Variants in SHC3 observed in about 807,000 individuals in gnomAD.
SHC3 encodes SHC adaptor protein 3.
A neutral mutation model predicts 60.4 loss-of-function variants in SHC3; 15 were observed. The observed-to-expected ratio is 0.25, with a 90% CI of 0.17 to 0.38. The LOEUF is 0.38. Among genes scored for constraint, SHC3 ranks in the 10% least tolerant of loss-of-function variants. SHC3 has a pLI of 1.00. For missense variants in SHC3, 677 were observed against 786.1 expected (o/e 0.86, Z 1.66); for synonymous variants, 294 against 325.9 (o/e 0.90, Z 1.05).
intron 1 of SHC3, among the ~76,000 whole-genome samples, chr9:89,151,299 C>T (rs1426929648): frequency 6.6e-6 from 1 of 152,122 alleles, no homozygotes; most frequent in Non-Finnish European, 1.5e-5. Context: ...TAGTGTCCCC[C>T]CAAAATTCAT....
chr9:89,042,734 G>A (rs1824708007), intron 9 of SHC3, among the ~76,000 whole-genome samples: 1 of 152,202 alleles, frequency 6.6e-6, no homozygotes, highest in African/African-American at 2.4e-5. Flanking sequence ...GGAAGCCCAG[G>A]GTGGGTGTGC....
chr9:89,041,425 C>T (rs1824684975), intron 10 of SHC3, among the ~76,000 whole-genome samples: 1 of 152,108 alleles, frequency 6.6e-6, no homozygotes, highest in African/African-American at 2.4e-5. Flanking sequence ...TTTTGTTTTC[C>T]TGTATATCTC....
At chr9:89,168,187 C>T (rs529121107) in intron 1 of SHC3, among the ~76,000 whole-genome samples, 2 of 152,204 alleles carry the variant, frequency 1.3e-5, no homozygotes, top group African/African-American at 4.8e-5. Flanking sequence ...CTATTTGGGT[C>T]GGGCACGGTG....
chr9:89,027,598 A>G (rs138217573), intron 11 of SHC3, among the ~76,000 whole-genome samples: 3 of 4,306 alleles, frequency 7.0e-4, no homozygotes, highest in Non-Finnish European at 1.2e-3. Flanking sequence ...TTACAGGCAT[A>G]AGCCATAAGC....
intron 2 of SHC3, chr9:89,110,231 C>T (rs1185515439): frequency 2.8e-5 from 28 of 985,274 alleles, no homozygotes; most frequent in Non-Finnish European, 3.4e-5. Flanking sequence ...AAGTGAAATG[C>T]TGGGAGTGAA....
chr9:89,072,818 A>G (rs920998382), intron 4 of SHC3, among the ~76,000 whole-genome samples: 4 of 152,208 alleles, frequency 2.6e-5, no homozygotes, highest in Non-Finnish European at 4.4e-5. Context: ...TTATATAGCT[A>G]TAATCATACA....
At chr9:89,086,631 G>A (rs1825534615) in intron 2 of SHC3, among the ~76,000 whole-genome samples, 1 of 152,082 alleles carries the variant, frequency 6.6e-6, no homozygotes, top group African/African-American at 2.4e-5. Flanking sequence ...ATTAACCATT[G>A]GTGATCACTT....
At chr9:89,094,598 T>C (rs1789465650) in intron 2 of SHC3, among the ~76,000 whole-genome samples, 3 of 152,180 alleles carry the variant, frequency 2.0e-5, no homozygotes, top group African/African-American at 7.2e-5. Context: ...AATCTTTTAA[T>C]ATTGTAGGGA....
chr9:89,051,964 G>A, intron 7 of SHC3, 73 bp downstream of exon 7: 1 of 1,585,696 alleles, frequency 6.3e-7, no homozygotes, highest in Middle Eastern at 1.7e-4. Flanking sequence ...ACACAGCTCA[G>A]GGATGTGGTT....
chr9:89,046,295 G>A (rs879628856), intron 8 of SHC3, among the ~76,000 whole-genome samples: 4 of 151,894 alleles, frequency 2.6e-5, no homozygotes, highest in Non-Finnish European at 4.4e-5. Context: ...TGAGCTCAAC[G>A]TTATTTTGCC....
At chr9:89,084,597 C>G (rs1825498677) in intron 2 of SHC3, among the ~76,000 whole-genome samples, 1 of 152,214 alleles carries the variant, frequency 6.6e-6, no homozygotes, top group Non-Finnish European at 1.5e-5. Context: ...CTGGACAGAT[C>G]AGAGACTTGC....
At chr9:89,166,175 A>G (rs1386054395) in intron 1 of SHC3, among the ~76,000 whole-genome samples, 1 of 151,984 alleles carries the variant, frequency 6.6e-6, no homozygotes, top group Non-Finnish European at 1.5e-5. Context: ...AATCCCACCC[A>G]TTATTTGGGC....
chr9:89,143,766 T>C (rs1307330196), intron 1 of SHC3, among the ~76,000 whole-genome samples: 2 of 152,174 alleles, frequency 1.3e-5, no homozygotes, highest in African/African-American at 2.4e-5. Flanking sequence ...TGCCTGTTGC[T>C]TGGAACCTCC....
intron 2 of SHC3, among the ~76,000 whole-genome samples, chr9:89,080,704 C>T (rs577814499): frequency 8.7e-4 from 125 of 143,894 alleles, no homozygotes; most frequent in African/African-American, 3.1e-3. Flanking sequence ...TGTAATGAAA[C>T]GATGAAAGTA....
chr9:89,060,393 C>G (rs1825066973), intron 6 of SHC3, among the ~76,000 whole-genome samples: 1 of 151,846 alleles, frequency 6.6e-6, no homozygotes, highest in East Asian at 1.9e-4. Context: ...CTGGAAGATG[C>G]TTGGTGTAGG....
intron 11 of SHC3, among the ~76,000 whole-genome samples, chr9:89,032,876 T>TG (rs1824513759): frequency 6.6e-6 from 1 of 152,234 alleles, no homozygotes; most frequent in African/African-American, 2.4e-5. Context: ...GAAGAGAATG[T>TG]GTTCATTGCC....
chr9:89,035,547 C>A (rs1824557555), intron 11 of SHC3, among the ~76,000 whole-genome samples: 1 of 151,968 alleles, frequency 6.6e-6, no homozygotes, highest in Non-Finnish European at 1.5e-5. Context: ...CAGAAACAGA[C>A]CATGATGCAA....
rs1587732336 is a variant in SHC3 at position 89,109,569 on chromosome 9, C to T, written c.545+2987G>A. The stretch of plus-strand genomic sequence containing the variant: ...AGTTTTGCCAAGCCTTCCAAGTGAA[C>T]TCTTAGAAGAGAAGAGAGGGTGGAC... On this transcript the variant is annotated intron_variant, in intron 2 of 11. Transcript: ENST00000375835. 3.0e-6 allele frequency: 3 copies of T among 985,484 alleles called. No individual in the cohort carries two copies. In the South Asian group the frequency reaches 1.4e-4, roughly 46 times the overall value. The allele number at this position is 985,484 out of a possible 1,614,324, so 61.0% of individuals were successfully genotyped here. A position where few individuals can be genotyped will look rare whatever the true frequency, so the allele number is the denominator to read the frequency against.
At chr9:89,074,990 A>G in intron 4 of SHC3, 119 bp downstream of exon 4, 3 of 1,330,630 alleles carry the variant, frequency 2.3e-6, no homozygotes, top group African/African-American at 1.5e-5. Context: ...TTCATACTCT[A>G]GTAAAAATTT....
Sources: allele counts gnomAD v4.1 joint callset (sites outside exome capture counted in the v4.1 genomes callset), GRCh38; gene constraint gnomAD v4.1.1; transcripts MANE v1.5; gene names NCBI Gene and HGNC (gene_info 2026-07-23, HGNC 2026-07-21).